Variants in ADGRL4 observed in about 807,000 individuals in gnomAD.
ADGRL4 encodes the protein adhesion G protein-coupled receptor L4, also known as EGF, latrophilin and seven transmembrane domain containing 1.
A neutral mutation model predicts 74.8 loss-of-function variants in ADGRL4; 90 were observed. The observed-to-expected ratio is 1.20, with a 90% CI of 1.02 to 1.43. The LOEUF (loss-of-function observed/expected upper bound fraction) is 1.43. Ranked by LOEUF, ADGRL4 falls within the 40% of genes most tolerant of loss-of-function variation. The pLI is 0.00. For synonymous variants in ADGRL4, 311 were observed against 279.2 expected (o/e 1.11, Z -1.14); for missense variants, 881 against 814.3 (o/e 1.08, Z -1.00).
intron 12 of ADGRL4, among the ~76,000 whole-genome samples, chr1:78,897,114 T>C (rs936531961): frequency 2.0e-5 from 3 of 152,190 alleles, no homozygotes; most frequent in Admixed American, 6.6e-5. Context: ...ATGATGAGTA[T>C]TCTTTACTGT....
At chr1:78,968,550 T>G (rs74093941) in intron 2 of ADGRL4, among the ~76,000 whole-genome samples, 9 of 144,434 alleles carry the variant, frequency 6.2e-5, no homozygotes, top group Non-Finnish European at 1.2e-4. Flanking sequence ...TCAATTACCC[T>G]CTAGTGGTAT....
At chr1:78,993,334 T>C (rs1381031420) in intron 2 of ADGRL4, among the ~76,000 whole-genome samples, 1 of 152,100 alleles carries the variant, frequency 6.6e-6, no homozygotes, top group East Asian at 1.9e-4. Flanking sequence ...CAGCATAAAG[T>C]CTTTCACCTT....
At chr1:78,963,114 A>T (rs1362120489) in intron 2 of ADGRL4, among the ~76,000 whole-genome samples, 3 of 152,230 alleles carry the variant, frequency 2.0e-5, no homozygotes, top group African/African-American at 7.2e-5. Flanking sequence ...GGCACATAGA[A>T]GATGAACAAT....
chr1:78,957,951 T>C (rs1052930754), intron 2 of ADGRL4, among the ~76,000 whole-genome samples: 1 of 152,184 alleles, frequency 6.6e-6, no homozygotes, highest in East Asian at 1.9e-4. Flanking sequence ...CCAGTGCTCA[T>C]TTACCATTCC....
chr1:78,922,752 A>T (rs978917339), intron 8 of ADGRL4, among the ~76,000 whole-genome samples: 57 of 152,024 alleles, frequency 3.7e-4, no homozygotes, highest in Non-Finnish European at 1.6e-4. Context: ...TGTGATTTTA[A>T]GGTGTACTTA....
chr1:78,967,010 G>A (rs76159834), intron 2 of ADGRL4, among the ~76,000 whole-genome samples: 2,195 of 151,978 alleles, frequency 0.014, 55 homozygotes, highest in African/African-American at 0.05. Flanking sequence ...TGTAGTATGC[G>A]TTGTGTACGT....
At chr1:78,952,735 G>A (rs17102521) in intron 2 of ADGRL4, among the ~76,000 whole-genome samples, 2,184 of 152,132 alleles carry the variant, frequency 0.014, 53 homozygotes, top group African/African-American at 0.05. Flanking sequence ...GGTAAATAAA[G>A]CAGAGTTATA....
At chr1:78,922,520 A>T (rs1310073627) in intron 8 of ADGRL4, among the ~76,000 whole-genome samples, 1 of 152,022 alleles carries the variant, frequency 6.6e-6, no homozygotes, top group Admixed American at 6.6e-5. Context: ...TAAACAGTGG[A>T]ATTCTCCTTA....
intron 12 of ADGRL4, among the ~76,000 whole-genome samples, chr1:78,896,406 T>C (rs940033816): frequency 1.3e-5 from 2 of 152,100 alleles, no homozygotes; most frequent in African/African-American, 4.8e-5. Flanking sequence ...ATAGGCATTG[T>C]GAGTTAAAGA....
chr1:78,995,927 A>G (rs908020707), intron 2 of ADGRL4, among the ~76,000 whole-genome samples: 6 of 152,188 alleles, frequency 3.9e-5, no homozygotes, highest in Non-Finnish European at 7.4e-5. Flanking sequence ...ATAGGATACC[A>G]GGGGGATTTC....
At chr1:78,944,921 T>C (rs1293233689) in intron 3 of ADGRL4, among the ~76,000 whole-genome samples, 5 of 151,962 alleles carry the variant, frequency 3.3e-5, no homozygotes, top group African/African-American at 7.3e-5. Context: ...TCCCAGCACT[T>C]TGAGAGGCTG....
chr1:78,923,726 A>C (rs1019439116), intron 8 of ADGRL4, among the ~76,000 whole-genome samples: 4 of 151,978 alleles, frequency 2.6e-5, no homozygotes, highest in East Asian at 1.9e-4. Context: ...AAAGTTTCTC[A>C]GTGAAAATAA....
chr1:78,930,500 G>A (rs1185091018), intron 7 of ADGRL4, among the ~76,000 whole-genome samples: 1 of 140,962 alleles, frequency 7.1e-6, no homozygotes. Flanking sequence ...CACCCAGGCT[G>A]GAGTGCAGTG....
intron 2 of ADGRL4, among the ~76,000 whole-genome samples, chr1:78,970,099 C>G (rs1650141098): frequency 6.6e-6 from 1 of 152,168 alleles, no homozygotes; most frequent in Admixed American, 6.5e-5. Context: ...ACAAGACATC[C>G]TTTTCTCTTC....
chr1:78,923,077 T>C (rs1570230709), intron 8 of ADGRL4, among the ~76,000 whole-genome samples: 1 of 151,880 alleles, frequency 6.6e-6, no homozygotes, highest in Non-Finnish European at 1.5e-5. Context: ...ATTGGAGAGA[T>C]TGCTAGAAGT....
chr1:78,936,173 C>T (rs1649348185), intron 7 of ADGRL4, 122 bp downstream of exon 7: 1 of 802,844 alleles, frequency 1.2e-6, no homozygotes, highest in Non-Finnish European at 1.9e-6. Flanking sequence ...GTATACTGTA[C>T]ATACATCAAA....
intron 12 of ADGRL4, among the ~76,000 whole-genome samples, chr1:78,898,258 A>G (rs529704477): frequency 6.6e-6 from 1 of 152,286 alleles, no homozygotes; most frequent in African/African-American, 2.4e-5. Flanking sequence ...CTATGTTTAT[A>G]TGGCAGTGTC....
At chr1:78,952,046 A>AT (rs200185928) in intron 2 of ADGRL4, among the ~76,000 whole-genome samples, 4 of 152,150 alleles carry the variant, frequency 2.6e-5, no homozygotes, top group African/African-American at 7.2e-5. Flanking sequence ...TTTATATTTC[A>AT]TTTTTTTAAT....
At chr1:78,916,996 T>C (rs1557496289) in intron 12 of ADGRL4, among the ~76,000 whole-genome samples, 1 of 151,850 alleles carries the variant, frequency 6.6e-6, no homozygotes, top group Non-Finnish European at 1.5e-5. Context: ...CCACTTCCAA[T>C]AAGAATTAAA....
Sources: gnomAD v4.1 joint callset for allele counts (sites outside exome capture counted in the v4.1 genomes callset) on GRCh38, gnomAD v4.1.1 for gene constraint, MANE v1.5 for transcripts, NCBI Gene and HGNC (gene_info 2026-07-23, HGNC 2026-07-21) for gene names.